Variants in DLGAP2 observed in about 807,000 individuals in gnomAD.
DLGAP2 encodes the protein DLG associated protein 2, also known as disks large-associated protein 2.
Under a neutral mutation model 100.3 loss-of-function variants are expected in DLGAP2, and 26 were observed. That is an observed-to-expected ratio of 0.26 (90% CI 0.19 to 0.36). DLGAP2 has a LOEUF of 0.36. Ranked by LOEUF, DLGAP2 falls within the 10% of genes least tolerant of loss-of-function variation. DLGAP2 has a pLI of 1.00. For synonymous variants in DLGAP2, 886 were observed against 630.1 expected, an observed-to-expected ratio of 1.41 and a Z score of -6.08; for missense variants, 1,858 against 1,453.2, an observed-to-expected ratio of 1.28 and a Z score of -4.53.
At chr8:917,527 T>A (rs1004374771) in intron 2 of DLGAP2, among the ~76,000 whole-genome samples, 1 of 152,146 alleles carries the variant, frequency 6.6e-6, no homozygotes, top group Non-Finnish European at 1.5e-5. Context: ...TGCGAGCTAC[T>A]GCACCCAGAC....
At chr8:1,360,113 G>C (rs967036743) in intron 3 of DLGAP2, among the ~76,000 whole-genome samples, 13 of 152,052 alleles carry the variant, frequency 8.5e-5, no homozygotes, top group Non-Finnish European at 1.9e-4. Flanking sequence ...TCGGAGGAGA[G>C]CGGGTTGCAG....
intron 2 of DLGAP2, among the ~76,000 whole-genome samples, chr8:1,065,850 C>T (rs991440081): frequency 1.3e-5 from 2 of 152,138 alleles, no homozygotes; most frequent in African/African-American, 2.4e-5. Context: ...CCAGGAATTC[C>T]GGGAAATCTT....
At chr8:1,075,056 G>A (rs1253072341) in intron 2 of DLGAP2, among the ~76,000 whole-genome samples, 1 of 152,160 alleles carries the variant, frequency 6.6e-6, no homozygotes, top group African/African-American at 2.4e-5. Flanking sequence ...CAGTGCAGCG[G>A]GGGGTGGGGA....
At chr8:1,520,005 C>T (rs565584634) in intron 4 of DLGAP2, among the ~76,000 whole-genome samples, 24 of 152,302 alleles carry the variant, frequency 1.6e-4, no homozygotes, top group African/African-American at 5.5e-4. Flanking sequence ...TTCGCAGGAG[C>T]AGGAGGTGTG....
intron 3 of DLGAP2, among the ~76,000 whole-genome samples, chr8:1,459,345 A>G (rs988685528): frequency 1.1e-4 from 16 of 152,178 alleles, no homozygotes; most frequent in African/African-American, 3.9e-4. Flanking sequence ...TTACATGCAT[A>G]GGCCCCAGGG....
chr8:1,196,328 A>G (rs1797748690), intron 2 of DLGAP2, among the ~76,000 whole-genome samples: 1 of 152,218 alleles, frequency 6.6e-6, no homozygotes, highest in African/African-American at 2.4e-5. Flanking sequence ...AGCACCATGA[A>G]ATTCTCCTGT....
At chr8:1,633,229 AC>A (rs1389614332) in intron 8 of DLGAP2, among the ~76,000 whole-genome samples, 183 bp downstream of exon 8, 2 of 152,142 alleles carry the variant, frequency 1.3e-5, no homozygotes, top group Non-Finnish European at 2.9e-5. Flanking sequence ...CTTGTAGATA[AC>A]CTTTCTTTTT....
chr8:906,926 A>G lies in DLGAP2; in HGVS notation c.19-986A>G, dbSNP rs187886693. Among the ~76,000 whole-genome samples the G allele has an allele frequency of 2.0e-5, 3 of 152,250 alleles. No individual in the cohort carries two copies. In the East Asian group the frequency reaches 5.8e-4, roughly 29 times the overall value. ...TTCAATTGATTATATTTGGGAGAGA[A>G]TTGTTCTTTTTTCAATATAGAAGAA... On this transcript the variant is annotated intron_variant, in intron 1 of 14. Transcript: ENST00000637795.
chr8:1,063,811 C>G (rs1045090059), intron 2 of DLGAP2, among the ~76,000 whole-genome samples: 7 of 152,130 alleles, frequency 4.6e-5, no homozygotes, highest in African/African-American at 1.7e-4. Flanking sequence ...GTTCCCAGAG[C>G]TCGGTGCCTC....
At chr8:1,227,283 T>G (rs1380559319) in intron 2 of DLGAP2, among the ~76,000 whole-genome samples, 1 of 147,966 alleles carries the variant, frequency 6.8e-6, no homozygotes, top group Non-Finnish European at 1.5e-5. Context: ...AAGATCCTTA[T>G]GTAATGCCTT....
intron 3 of DLGAP2, among the ~76,000 whole-genome samples, chr8:1,443,335 A>G (rs1797893037): frequency 6.6e-6 from 1 of 152,140 alleles, no homozygotes; most frequent in Admixed American, 6.5e-5. Context: ...TAATACTTCC[A>G]GCCTTCCCTC....
intron 1 of DLGAP2, among the ~76,000 whole-genome samples, chr8:767,348 G>GTTTT (rs35944301): frequency 1.4e-4 from 16 of 117,920 alleles, no homozygotes; most frequent in Admixed American, 4.6e-4. Flanking sequence ...GCTGTTGACT[G>GTTTT]TTTTTTTTTT....
At chr8:824,720 G>C (rs1288109964) in intron 1 of DLGAP2, among the ~76,000 whole-genome samples, 1 of 152,104 alleles carries the variant, frequency 6.6e-6, no homozygotes, top group African/African-American at 2.4e-5. Context: ...TAGTGCTAGC[G>C]ATTCAGAGGA....
intron 2 of DLGAP2, among the ~76,000 whole-genome samples, chr8:1,236,182 C>T (rs1217897527): frequency 1.7e-5 from 2 of 115,616 alleles, no homozygotes; most frequent in African/African-American, 7.2e-5. Context: ...TTCTCTCTCA[C>T]ACAGAGCATC....
intron 3 of DLGAP2, among the ~76,000 whole-genome samples, chr8:1,356,914 C>A (rs1018129001): frequency 2.6e-5 from 4 of 152,146 alleles, no homozygotes; most frequent in African/African-American, 9.7e-5. Flanking sequence ...TCTACAGTGC[C>A]CGTGTCTACA....
chr8:1,163,635 G>A (rs1406154761), intron 2 of DLGAP2, among the ~76,000 whole-genome samples: 1 of 152,166 alleles, frequency 6.6e-6, no homozygotes, highest in Admixed American at 6.5e-5. Flanking sequence ...GCCCGGGAGA[G>A]GCTGCAGGCG....
At chr8:1,173,601 C>G (rs1797180578) in intron 2 of DLGAP2, among the ~76,000 whole-genome samples, 2 of 152,164 alleles carry the variant, frequency 1.3e-5, no homozygotes, top group South Asian at 2.1e-4. Flanking sequence ...GCGCCCCTCC[C>G]CCAGCCTCCC....
intron 3 of DLGAP2, among the ~76,000 whole-genome samples, chr8:1,426,462 G>A (rs1265598743): frequency 6.6e-6 from 1 of 152,186 alleles, no homozygotes; most frequent in Non-Finnish European, 1.5e-5. Context: ...CAAGTTAGCA[G>A]AATTCCAGAA....
chr8:1,225,400 C>T (rs919973811), intron 2 of DLGAP2, among the ~76,000 whole-genome samples: 5 of 152,096 alleles, frequency 3.3e-5, no homozygotes, highest in East Asian at 1.9e-4. Flanking sequence ...TACAGAACAC[C>T]GAGGTAATTG....
Sources: gnomAD v4.1 joint callset for allele counts (sites outside exome capture counted in the v4.1 genomes callset) on GRCh38, gnomAD v4.1.1 for gene constraint, MANE v1.5 for transcripts, NCBI Gene and HGNC (gene_info 2026-07-23, HGNC 2026-07-21) for gene names.